The following CPED1 variants were observed in gnomAD, a reference collection of about 807,000 sequenced individuals.
CPED1 encodes the protein cadherin-like and PC-esterase domain-containing protein 1.
A neutral mutation model predicts 128.2 loss-of-function variants in CPED1; 114 were observed. That is an observed-to-expected ratio of 0.89 (90% CI 0.76 to 1.04). The LOEUF is 1.04. Ranked by LOEUF, CPED1 falls within the 50% of genes least tolerant of loss-of-function variation. The pLI is 0.00. For missense variants in CPED1, 1,211 were observed against 1,207.1 expected (o/e 1.00, Z -0.05); for synonymous variants, 462 against 426.7 (o/e 1.08, Z -1.02).
chr7:121,122,788 T>C (rs798946), intron 7 of CPED1, among the ~76,000 whole-genome samples: 52,387 of 152,076 alleles, frequency 0.34, 9,340 homozygotes, highest in Middle Eastern at 0.5. Flanking sequence ...TAAGAAATAA[T>C]CATTTTCATT....
rs188567451 is a variant in CPED1 at position 120,993,329 on chromosome 7, T to A, written c.249+3459T>A. Among the ~76,000 whole-genome samples the A allele has an allele frequency of 4.5e-3, 684 of 152,332 alleles. 5 individuals carry two copies. The highest frequency in any genetic ancestry group is 0.015 in the African/African-American group (644 of 41,580). ...AATGGAAACTTTGCTATTTGGGGAA[T>A]ACATTTATACTCACCATAGCCATGT... On this transcript the variant is annotated intron_variant, in intron 2 of 22. Coordinates refer to ENST00000310396, the MANE Select transcript of CPED1 (RefSeq NM_024913.5).
chr7:121,054,469 C>A (rs953410789), intron 4 of CPED1, among the ~76,000 whole-genome samples: 2 of 152,012 alleles, frequency 1.3e-5, no homozygotes, highest in Non-Finnish European at 2.9e-5. Context: ...TAAAAGTGAA[C>A]GTTTTGTGTG....
intron 3 of CPED1, among the ~76,000 whole-genome samples, chr7:121,020,218 G>C (rs1196662740): frequency 6.6e-6 from 1 of 151,974 alleles, no homozygotes. Context: ...TTTATAACTT[G>C]AGGGTTTAAC....
chr7:121,178,198 G>A (rs1201866735), intron 16 of CPED1, among the ~76,000 whole-genome samples: 5 of 152,076 alleles, frequency 3.3e-5, no homozygotes, highest in Non-Finnish European at 5.9e-5. Flanking sequence ...AGAAATGACA[G>A]TAAGGAATAT....
intron 16 of CPED1, among the ~76,000 whole-genome samples, chr7:121,223,382 C>T (rs1373684363): frequency 6.6e-6 from 1 of 152,164 alleles, no homozygotes; most frequent in Non-Finnish European, 1.5e-5. Context: ...AGGATTTTCG[C>T]ATTGATGTTC....
intron 4 of CPED1, among the ~76,000 whole-genome samples, chr7:121,061,725 TTAA>T (rs1406496136): frequency 2.0e-5 from 3 of 152,364 alleles, no homozygotes; most frequent in South Asian, 2.1e-4. Flanking sequence ...GATGTTCCAC[TTAA>T]TGATGCAAAT....
chr7:121,042,129 TAAAA>T (rs10615785), intron 3 of CPED1, among the ~76,000 whole-genome samples: 4,554 of 150,126 alleles, frequency 0.03, 111 homozygotes, highest in African/African-American at 0.044. Context: ...TTTTAATTGT[TAAAA>T]AAAAAAAAAA....
intron 2 of CPED1, among the ~76,000 whole-genome samples, chr7:120,999,762 G>A (rs575740250): frequency 2.9e-3 from 436 of 152,222 alleles, no homozygotes; most frequent in Non-Finnish European, 4.8e-3. Context: ...TGATTAGAGC[G>A]ATGTTAAATT....
intron 16 of CPED1, among the ~76,000 whole-genome samples, chr7:121,201,000 G>A (rs994601191): frequency 2.0e-5 from 3 of 152,068 alleles, no homozygotes; most frequent in South Asian, 2.1e-4. Context: ...ACAGAATCAC[G>A]TGTTGAAAGC....
At chr7:121,003,969 G>A (rs1417451706) in intron 2 of CPED1, among the ~76,000 whole-genome samples, 2 of 152,162 alleles carry the variant, frequency 1.3e-5, no homozygotes, top group East Asian at 3.9e-4. Context: ...TGTGGAATGT[G>A]GTACCTCTTC....
At chr7:121,217,495 C>A (rs1584605341) in intron 16 of CPED1, among the ~76,000 whole-genome samples, 1 of 152,012 alleles carries the variant, frequency 6.6e-6, no homozygotes, top group Non-Finnish European at 1.5e-5. Context: ...CTAGTATTTT[C>A]TATAACCATT....
At chr7:121,000,357 C>T (rs1198344691) in intron 2 of CPED1, among the ~76,000 whole-genome samples, 1 of 152,058 alleles carries the variant, frequency 6.6e-6, no homozygotes, top group Non-Finnish European at 1.5e-5. Context: ...TTTGACTTAC[C>T]ACATATGGAG....
intron 4 of CPED1, among the ~76,000 whole-genome samples, chr7:121,062,201 C>T (rs112734532): frequency 6.6e-6 from 1 of 152,216 alleles, no homozygotes; most frequent in Non-Finnish European, 1.5e-5. Flanking sequence ...GCTACTTACC[C>T]AGTGCTGATT....
intron 11 of CPED1, among the ~76,000 whole-genome samples, chr7:121,128,688 A>G (rs1795571797): frequency 6.6e-6 from 1 of 152,186 alleles, no homozygotes; most frequent in Admixed American, 6.5e-5. Flanking sequence ...TGCAAACAAT[A>G]TGTGACTTAT....
chr7:121,264,420 G>A (rs1792083455), intron 18 of CPED1, among the ~76,000 whole-genome samples: 1 of 152,036 alleles, frequency 6.6e-6, no homozygotes, highest in African/African-American at 2.4e-5. Flanking sequence ...TATTTCACAA[G>A]CTATTTTATT....
intron 16 of CPED1, among the ~76,000 whole-genome samples, chr7:121,200,727 G>A (rs1332102639): frequency 6.6e-6 from 1 of 151,862 alleles, no homozygotes; most frequent in African/African-American, 2.4e-5. Flanking sequence ...AATATTTGTT[G>A]AATTGAATGA....
Position 121,223,682 on chromosome 7 carries a change from T to C in CPED1, c.2056-13032T>C, listed in dbSNP as rs531404888. Among the ~76,000 whole-genome samples, 11 of 152,246 alleles carry C rather than the reference T, an allele frequency of 7.2e-5. No individual in the cohort carries two copies. The East Asian group carries it at 2.1e-3, about 29-fold the overall frequency. On this transcript the variant is annotated intron_variant, in intron 16 of 22. Transcript: ENST00000310396. Reference sequence around the variant, plus strand: ...GAGATTCTACTTTTTCCTAGTTTAGTCATGGGAGTTGTATATGTCCAGGAA... The same window carrying C: ...GAGATTCTACTTTTTCCTAGTTTAGCCATGGGAGTTGTATATGTCCAGGAA...
intron 16 of CPED1, among the ~76,000 whole-genome samples, chr7:121,153,963 A>T (rs943935847): frequency 1.3e-5 from 2 of 152,242 alleles, no homozygotes; most frequent in Non-Finnish European, 2.9e-5. Flanking sequence ...CATAAAATAT[A>T]TACAAATCTG....
chr7:121,041,587 T>A, intron 3 of CPED1, among the ~76,000 whole-genome samples: 1 of 152,166 alleles, frequency 6.6e-6, no homozygotes, highest in East Asian at 1.9e-4. Flanking sequence ...ATTACGGATC[T>A]TGCAGATGTT....
Sources: allele counts gnomAD v4.1 joint callset (sites outside exome capture counted in the v4.1 genomes callset), GRCh38; gene constraint gnomAD v4.1.1; transcripts MANE v1.5; gene names NCBI Gene and HGNC (gene_info 2026-07-23, HGNC 2026-07-21).